Variants in WNK1 observed in about 807,000 individuals in gnomAD.
The protein encoded by WNK1 is serine/threonine-protein kinase WNK1.
Under a neutral mutation model 222.8 loss-of-function variants are expected in WNK1, and 38 were observed. The ratio of observed to expected loss-of-function variants is 0.17; its 90% CI spans 0.13 to 0.22. The LOEUF (loss-of-function observed/expected upper bound fraction) is 0.22, where lower values mean the gene tolerates loss of function less well. Among genes scored for constraint, WNK1 ranks in the 10% least tolerant of loss-of-function variants. The pLI is 1.00. For missense variants in WNK1, 2,348 were observed against 2,918.4 expected (o/e 0.80, Z 4.50); for synonymous variants, 1,090 against 1,092.9 (o/e 1.00, Z 0.05).
chr12:774,202 C>G (rs1942857353), intron 1 of WNK1, among the ~76,000 whole-genome samples: 2 of 152,306 alleles, frequency 1.3e-5, no homozygotes, highest in South Asian at 4.1e-4. Context: ...GTAATAGGAT[C>G]TTTGCACAAT....
chr12:800,021 A>G (rs929084567), intron 1 of WNK1, among the ~76,000 whole-genome samples: 4 of 152,146 alleles, frequency 2.6e-5, no homozygotes, highest in South Asian at 2.1e-4. Flanking sequence ...GTGCGCACCC[A>G]TAGTCCCAGC....
At chr12:904,412 T>G in intron 26 of WNK1, 1 of 1,285,548 alleles carries the variant, frequency 7.8e-7, no homozygotes, top group East Asian at 5.6e-5. Context: ...ACACTGATGT[T>G]TCTTTATCTT....
In WNK1 at chr12:885,924, C is replaced by T; in HGVS notation, c.5120C>T (p.Thr1707Ile). The change falls in exon 19 of 28, where the codon ACA (threonine) becomes ATA (isoleucine). Residue 1707 changes from threonine (T) to isoleucine (I), a missense_variant. Transcript: ENST00000315939. ...CCAAGCAAACTCCTGACTTCTACCA[C>T]AAGTACTTGCTTACCACCAACCAAT... ...VAPSKLLTST[T>I]STCLPPTNLP... is the part of the protein sequence containing the mutation. 1 of 1,602,812 alleles carries T rather than the reference C, an allele frequency of 6.2e-7. No homozygotes were observed. Among genetic ancestry groups the T allele is most frequent in the Non-Finnish European group, 8.5e-7 (1 of 1,173,590 alleles).
rs948781317 is a variant in WNK1, at chr12:879,887, T to G, written c.2688T>G (p.Leu896=). 1 of 1,614,152 alleles carries G rather than the reference T, an allele frequency of 6.2e-7. No homozygotes were observed. The highest frequency in any genetic ancestry group is 1.3e-5 in the African/African-American group (1 of 75,024). ...TATCAACTGTGGTTCCTAGTCAGCT[T>G]CCAACCCTTCTGCAGCCTGTGACTC... ...PGVSTVVPSQ[L]PTLLQPVTQL... is the part of the protein sequence containing the mutation. The change falls in exon 11 of 28, where the codon CTT becomes CTG. Residue 896 remains leucine, a synonymous_variant. Coordinates refer to ENST00000315939, the MANE Select transcript of WNK1 (RefSeq NM_018979.4).
At chr12:760,940 A>G (rs1250332394) in intron 1 of WNK1, among the ~76,000 whole-genome samples, 3 of 130,088 alleles carry the variant, frequency 2.3e-5, no homozygotes, top group Non-Finnish European at 5.1e-5. Context: ...CACCCGGCTA[A>G]TTTTTTTTTT....
Position 908,861 on chromosome 12 carries a change from G to GGGGGGGGGGGGCCC in WNK1, c.*69_*70insGGGGGGGGGGGCCC. On this transcript the variant is annotated 3_prime_UTR_variant, in exon 28 of 28. Coordinates refer to ENST00000315939, the MANE Select transcript of WNK1 (RefSeq NM_018979.4). ...ATGCTGAGGGGGTGGGTGGGGGTGGGAAGTAGCCTATATACTAACTACTAG... is the reference window on the plus strand; with the variant it reads ...ATGCTGAGGGGGTGGGTGGGGGTGGGGGGGGGGGGGGCCCAAGTAGCCTATATACTAACTACTAG... The GGGGGGGGGGGGCCC allele has an allele frequency of 1.4e-5, 7 of 491,838 alleles. No homozygotes were observed. Among genetic ancestry groups the GGGGGGGGGGGGCCC allele is most frequent in the East Asian group, 1.2e-4 (2 of 16,746 alleles). The allele number at this position is 491,838 out of a possible 1,614,324, so 30.5% of individuals were successfully genotyped here.
chr12:842,418 A>C (rs1949695676), intron 4 of WNK1, among the ~76,000 whole-genome samples: 1 of 152,202 alleles, frequency 6.6e-6, no homozygotes, highest in Non-Finnish European at 1.5e-5. Context: ...TAGGTTCTCA[A>C]ATCTCAGTTG....
intron 4 of WNK1, among the ~76,000 whole-genome samples, chr12:846,738 A>G (rs1029982723): frequency 2.0e-5 from 3 of 152,232 alleles, no homozygotes; most frequent in Non-Finnish European, 4.4e-5. Flanking sequence ...TGTCTGGGAA[A>G]AAACAGAACT....
chr12:904,484 C>T (rs1955537385), intron 26 of WNK1: 1 of 1,289,022 alleles, frequency 7.8e-7, no homozygotes, highest in South Asian at 1.2e-5. Flanking sequence ...GTCCTTGCAA[C>T]CAGCTCTGTA....
intron 21 of WNK1, among the ~76,000 whole-genome samples, chr12:889,946 T>C (rs887513000): frequency 9.7e-4 from 141 of 145,718 alleles, no homozygotes; most frequent in African/African-American, 3.4e-3. Flanking sequence ...TCTTTTAAAA[T>C]GTACCTTTTT....
intron 1 of WNK1, among the ~76,000 whole-genome samples, chr12:775,455 C>T (rs1419307775): frequency 6.6e-6 from 1 of 152,112 alleles, no homozygotes; most frequent in Non-Finnish European, 1.5e-5. Context: ...GACGTGTAAT[C>T]CCAGCACTTT....
In WNK1 at chr12:872,083, A is replaced by G. The variant is rs139204658; in HGVS notation, c.2223+735A>G. 9.3e-4 allele frequency among the ~76,000 whole-genome samples: 142 copies of G among 152,308 alleles called. 2 individuals are homozygous for G. The highest frequency in any genetic ancestry group is 7.5e-3 in the South Asian group (36 of 4,824). On this transcript the variant is annotated intron_variant, in intron 9 of 27. Transcript: ENST00000315939. ...TCAGATTTTACGCTAAGAAGCATCT[A>G]ATGAAAACCTAAGAACAATTACTTC...
chr12:823,506 A>G (rs1448587456), intron 2 of WNK1, among the ~76,000 whole-genome samples: 1 of 151,842 alleles, frequency 6.6e-6, no homozygotes, highest in African/African-American at 2.4e-5. Flanking sequence ...TTTCAAGTTT[A>G]TTGCCTTTTT....
At chr12:872,351 G>T (rs1245217247) in intron 9 of WNK1, among the ~76,000 whole-genome samples, 1 of 152,138 alleles carries the variant, frequency 6.6e-6, no homozygotes, top group East Asian at 1.9e-4. Context: ...GTTTCACCAT[G>T]TTGGCCAGGC....
intron 1 of WNK1, among the ~76,000 whole-genome samples, chr12:777,737 T>C (rs969789071): frequency 6.6e-6 from 1 of 152,216 alleles, no homozygotes; most frequent in Non-Finnish European, 1.5e-5. Flanking sequence ...TAAAATTCAC[T>C]GTAGTTGCTC....
chr12:901,947 A>G (rs1955296464), intron 26 of WNK1, among the ~76,000 whole-genome samples: 1 of 152,128 alleles, frequency 6.6e-6, no homozygotes, highest in African/African-American at 2.4e-5. Flanking sequence ...ATTTAGAATA[A>G]TGAAGACTGA....
At chr12:818,239 C>G (rs146935772) in intron 2 of WNK1, among the ~76,000 whole-genome samples, 21 of 152,178 alleles carry the variant, frequency 1.4e-4, no homozygotes, top group African/African-American at 4.6e-4. Flanking sequence ...AGTTCTTTTT[C>G]TTTTTACAAT....
At chr12:907,762 C>T in intron 26 of WNK1, 85 bp from the exon 27 acceptor site, 1 of 1,473,456 alleles carries the variant, frequency 6.8e-7, no homozygotes. Flanking sequence ...TGTGGCTTGC[C>T]ATTCATCATC....
In WNK1 at chr12:883,804, C is replaced by T; in HGVS notation, c.3694C>T (p.Pro1232Ser). The T allele has an allele frequency of 6.2e-7, 1 of 1,614,078 alleles. No homozygotes were observed. Among genetic ancestry groups the T allele is most frequent in the South Asian group, 1.1e-5 (1 of 91,082 alleles). ...KLEGEFKQPI[P>S]ASSMPQQIGI... ...GGAAGGAGAGTTCAAACAACCAATTCCTGCGTCTTCCATGCCACAGCAAAT... is the reference window on the plus strand; with the variant it reads ...GGAAGGAGAGTTCAAACAACCAATTTCTGCGTCTTCCATGCCACAGCAAAT... The change falls in exon 17 of 28, where the codon CCT becomes TCT. Residue 1232 changes from proline to serine, a missense_variant. Pro to Ser is a moderately conservative substitution (Grantham distance 74, BLOSUM62 -1). Transcript: ENST00000315939.
Sources: allele counts gnomAD v4.1 joint callset (sites outside exome capture counted in the v4.1 genomes callset), GRCh38; gene constraint gnomAD v4.1.1; transcripts MANE v1.5; gene names NCBI Gene and HGNC (gene_info 2026-07-23, HGNC 2026-07-21).